Variants in CPED1 observed in about 807,000 individuals in gnomAD.
The protein encoded by CPED1 is cadherin-like and PC-esterase domain-containing protein 1.
In CPED1, 114 loss-of-function variants were observed where a neutral mutation model predicts 128.2. That is an observed-to-expected ratio of 0.89 (90% CI 0.76 to 1.04). The LOEUF is 1.04. Ranked by LOEUF, CPED1 falls within the 50% of genes least tolerant of loss-of-function variation. The pLI, the probability that CPED1 is intolerant of heterozygous loss-of-function variation, is 0.00. For missense variants in CPED1, 1,211 were observed against 1,207.1 expected (o/e 1.00, Z -0.05); for synonymous variants, 462 against 426.7 (o/e 1.08, Z -1.02).
intron 5 of CPED1, among the ~76,000 whole-genome samples, chr7:121,088,530 G>A (rs888266179): frequency 2.0e-5 from 3 of 151,478 alleles, no homozygotes; most frequent in Non-Finnish European, 2.9e-5. Flanking sequence ...GTGATGGTGT[G>A]CGCCTGTAAT....
In CPED1 at chr7:121,295,551, G is replaced by A. The variant is rs779998424; in HGVS notation, c.2980G>A (p.Val994Ile). The change falls in exon 23 of 23, where the codon GTA (valine) becomes ATA (isoleucine). Residue 994 changes from valine to isoleucine, a missense_variant. Transcript: ENST00000310396. ...TCAAAGCAAACTACAACAAGGCACT[G>A]TAACAAATTTTCGATCGCCATATCA... ...SNQSKLQQGT[V>I]TNFRSPYHVR... The A allele has an allele frequency of 1.2e-6, 2 of 1,614,112 alleles. No homozygotes were observed. The highest frequency in any genetic ancestry group is 8.5e-7 in the Non-Finnish European group (1 of 1,179,956).
At chr7:121,191,358 G>A (rs908190615) in intron 16 of CPED1, among the ~76,000 whole-genome samples, 7 of 152,096 alleles carry the variant, frequency 4.6e-5, no homozygotes, top group Admixed American at 6.6e-5. Flanking sequence ...ATTAGAGGAG[G>A]CTTCTTGGAG....
At chr7:121,138,455 A>T (rs985384518) in intron 14 of CPED1, among the ~76,000 whole-genome samples, 2 of 152,088 alleles carry the variant, frequency 1.3e-5, no homozygotes, top group Non-Finnish European at 2.9e-5. Flanking sequence ...TGTCAGAACT[A>T]AATCAGCTTT....
In CPED1 at chr7:121,128,486, G is replaced by C. The variant is rs761124083; in HGVS notation, c.1407G>C (p.Leu469=). The change falls in exon 11 of 23, where the codon CTG becomes CTC. Residue 469 remains leucine, a splice_region_variant and synonymous_variant. Coordinates refer to ENST00000310396, the MANE Select transcript of CPED1 (RefSeq NM_024913.5). ...TTGGAAGTCTGGGACAATTCCAACT[G>C]GTAAAGCAAAAGTGACATTTGATTC... The part of the protein sequence containing the change: ...KELGSLGQFQ[L]LFPSTTPGIQ... 1 of 1,485,584 alleles carries C rather than the reference G, an allele frequency of 6.7e-7. No individual in the cohort carries two copies. The highest frequency in any genetic ancestry group is 2.3e-5 in the East Asian group (1 of 44,172). 92.0% of individuals were successfully genotyped at this position (1,485,584 alleles called of 1,614,324 possible).
rs146611472 is a variant in CPED1 at position 121,184,098 on chromosome 7, G to A, written c.2055+41957G>A. Among the ~76,000 whole-genome samples, 68 of 151,056 alleles carry A rather than the reference G, an allele frequency of 4.5e-4. 1 individual carries two copies. The highest frequency in any genetic ancestry group is 8.5e-4 in the Non-Finnish European group (58 of 67,878). On this transcript the variant is annotated intron_variant, in intron 16 of 22. Coordinates refer to ENST00000310396, the MANE Select transcript of CPED1 (RefSeq NM_024913.5). ...GAGGTTGCAGTGAGCCAATATTCGC[G>A]CCACTGCACTGCAGCCTGGGTGACA...
At chr7:121,084,746 A>G (rs1484039800) in intron 5 of CPED1, among the ~76,000 whole-genome samples, 1 of 152,246 alleles carries the variant, frequency 6.6e-6, no homozygotes, top group Admixed American at 6.5e-5. Context: ...TTTCATCCAC[A>G]TCAATATCCA....
chr7:120,998,633 G>A (rs1202909597), intron 2 of CPED1, among the ~76,000 whole-genome samples: 2 of 152,064 alleles, frequency 1.3e-5, no homozygotes, highest in African/African-American at 4.8e-5. Flanking sequence ...ATAAGTCTTT[G>A]GATAAGAAAT....
At chr7:121,194,693 T>G (rs1797229952) in intron 16 of CPED1, among the ~76,000 whole-genome samples, 1 of 152,184 alleles carries the variant, frequency 6.6e-6, no homozygotes. Flanking sequence ...TAAAATAAGT[T>G]TTTAATTTTT....
chr7:121,194,323 T>C (rs1483699386), intron 16 of CPED1, among the ~76,000 whole-genome samples: 1 of 151,970 alleles, frequency 6.6e-6, no homozygotes, highest in East Asian at 1.9e-4. Context: ...AGTGCTGGGA[T>C]TACTAGCACA....
chr7:121,074,632 C>T (rs1794078284), intron 5 of CPED1, among the ~76,000 whole-genome samples: 1 of 147,856 alleles, frequency 6.8e-6, no homozygotes, highest in Non-Finnish European at 1.5e-5. Context: ...TCTTAGTTGG[C>T]AGAAAATGCT....
intron 4 of CPED1, among the ~76,000 whole-genome samples, chr7:121,048,081 C>T (rs112836726): frequency 1.3e-5 from 2 of 152,092 alleles, no homozygotes; most frequent in African/African-American, 4.8e-5. Flanking sequence ...GTTTTCTTTA[C>T]AACCAACTTT....
intron 7 of CPED1, among the ~76,000 whole-genome samples, chr7:121,112,584 A>C (rs1258302483): frequency 1.3e-5 from 2 of 152,180 alleles, no homozygotes; most frequent in Non-Finnish European, 2.9e-5. Context: ...AGCCTCTAAA[A>C]CTGCAAGAGA....
intron 16 of CPED1, among the ~76,000 whole-genome samples, chr7:121,193,633 G>A (rs1240353310): frequency 6.6e-6 from 1 of 152,100 alleles, no homozygotes; most frequent in South Asian, 2.1e-4. Flanking sequence ...TAGGAAAATA[G>A]AGAGAAGTTG....
chr7:121,287,700 TGTTTTCCCCC>T (rs1319055630), intron 22 of CPED1, among the ~76,000 whole-genome samples: 1 of 152,184 alleles, frequency 6.6e-6, no homozygotes, highest in African/African-American at 2.4e-5. Flanking sequence ...TGTTTTCCCC[TGTTTTCCCCC>T]AAATTCTTCT....
At chr7:121,056,410 G>A (rs1357719608) in intron 4 of CPED1, among the ~76,000 whole-genome samples, 1 of 152,068 alleles carries the variant, frequency 6.6e-6, no homozygotes, top group Admixed American at 6.5e-5. Flanking sequence ...AATTGATTTG[G>A]CAGTTGGATG....
chr7:121,266,645 C>A (rs57977421), intron 19 of CPED1, 62 bp from the exon 20 acceptor site: 93,364 of 1,291,008 alleles, frequency 0.072, 3,787 homozygotes, highest in African/African-American at 0.11. Context: ...TGAGGCAGTG[C>A]AGTTACAATG....
At chr7:120,998,467 A>T (rs1796447528) in intron 2 of CPED1, among the ~76,000 whole-genome samples, 1 of 152,160 alleles carries the variant, frequency 6.6e-6, no homozygotes. Flanking sequence ...GAAGCACTTA[A>T]AGTGTCTGGC....
intron 18 of CPED1, among the ~76,000 whole-genome samples, chr7:121,260,604 C>T (rs1791993554): frequency 6.6e-6 from 1 of 151,614 alleles, no homozygotes; most frequent in African/African-American, 2.4e-5. Context: ...TGGCTCTGGA[C>T]CTAGATGTAA....
chr7:121,042,471 T>C (rs1039635987), intron 3 of CPED1, among the ~76,000 whole-genome samples: 6 of 152,158 alleles, frequency 3.9e-5, no homozygotes, highest in Non-Finnish European at 8.8e-5. Context: ...ATGTAATAAT[T>C]GTTTCTACTC....
Sources: allele counts gnomAD v4.1 joint callset (sites outside exome capture counted in the v4.1 genomes callset), GRCh38; gene constraint gnomAD v4.1.1; transcripts MANE v1.5; gene names NCBI Gene and HGNC (gene_info 2026-07-23, HGNC 2026-07-21).